Variants in ZNF578 observed in about 807,000 individuals in gnomAD.
ZNF578 encodes zinc finger protein 578.
A neutral mutation model predicts 8.3 loss-of-function variants in ZNF578; 8 were observed. That is an observed-to-expected ratio of 0.96 (90% CI 0.56 to 1.74). The LOEUF (loss-of-function observed/expected upper bound fraction) is 1.74. Ranked by LOEUF, ZNF578 falls within the 40% of genes most tolerant of loss-of-function variation. The probability of loss-of-function intolerance (pLI) is 0.00; values close to 1 mark genes in which losing one functional copy is unlikely to be tolerated. For missense variants in ZNF578, 726 were observed against 707.5 expected (o/e 1.03, Z -0.30); for synonymous variants, 206 against 232.2 (o/e 0.89, Z 1.03).
chr19:52,465,934 C>A (rs2059273747), intron 2 of ZNF578, among the ~76,000 whole-genome samples: 1 of 152,172 alleles, frequency 6.6e-6, no homozygotes, highest in South Asian at 2.1e-4. Context: ...CTGTTGGGGA[C>A]CAGCCTCAAC....
At chr19:52,501,113 G>A (rs1317433980) in intron 3 of ZNF578, among the ~76,000 whole-genome samples, 6 of 152,130 alleles carry the variant, frequency 3.9e-5, no homozygotes, top group Admixed American at 2.0e-4. Context: ...TCCTGACCCT[G>A]TGATCCAGCC....
At position 52,500,505 on chromosome 19, in the gene ZNF578, C is replaced by G. The variant is rs535689548; in HGVS notation, c.-19-1322C>G. On this transcript the variant is annotated intron_variant, in intron 3 of 5. Coordinates refer to ENST00000421239, the MANE Select transcript of ZNF578 (RefSeq NM_001099694.2). ...CACTGCAACCTCTCCCTCCTGGGTT[C>G]AAGTGATTCTCCTCCCTCAGCTTCC... is the stretch of plus-strand genomic sequence containing the variant. Among the ~76,000 whole-genome samples the G allele has an allele frequency of 5.3e-5, 8 of 150,520 alleles. No homozygotes were observed. In the East Asian group the frequency reaches 1.4e-3, roughly 26 times the overall value.
chr19:52,497,520 CT>C (rs2122916184), intron 3 of ZNF578, among the ~76,000 whole-genome samples: 1 of 152,280 alleles, frequency 6.6e-6, no homozygotes, highest in African/African-American at 2.4e-5. Flanking sequence ...CATGCCCGGC[CT>C]TATTGTTTTC....
intron 3 of ZNF578, among the ~76,000 whole-genome samples, chr19:52,498,133 A>G (rs1178563395): frequency 1.3e-5 from 2 of 152,144 alleles, no homozygotes; most frequent in African/African-American, 2.4e-5. Flanking sequence ...TTGCTCAGGT[A>G]TATAAGATGG....
intron 2 of ZNF578, among the ~76,000 whole-genome samples, chr19:52,488,660 T>G (rs1032066082): frequency 1.3e-5 from 2 of 151,826 alleles, no homozygotes; most frequent in African/African-American, 4.8e-5. Flanking sequence ...GGCAGACTCC[T>G]GTAATCCCAG....
At chr19:52,458,468 T>TATATATATATATATATATATATATA (rs139009068) in intron 2 of ZNF578, 1 of 121,752 alleles carries the variant, frequency 8.2e-6, no homozygotes. Flanking sequence ...GCTACTATGT[T>TATATATATATATATATATATATATA]TATATATATA....
At chr19:52,457,139 T>A (rs2059242172) in intron 2 of ZNF578, 181 bp downstream of exon 2, 2 of 152,664 alleles carry the variant, frequency 1.3e-5, no homozygotes, top group Non-Finnish European at 2.9e-5. Context: ...CCTCTGACCT[T>A]CTTTTGCCTT....
chr19:52,482,234 T>C (rs967410687), intron 2 of ZNF578, among the ~76,000 whole-genome samples: 2 of 152,168 alleles, frequency 1.3e-5, no homozygotes, highest in African/African-American at 4.8e-5. Flanking sequence ...GGTTTCTTCA[T>C]GTTGGTCTAG....
chr19:52,493,896 T>C (rs1459591118), intron 3 of ZNF578, among the ~76,000 whole-genome samples: 2 of 151,482 alleles, frequency 1.3e-5, no homozygotes, highest in Non-Finnish European at 1.5e-5. Context: ...AGGCTGAAGC[T>C]GGAGAATCGC....
intron 2 of ZNF578, among the ~76,000 whole-genome samples, chr19:52,468,528 C>A (rs1418964360): frequency 6.6e-6 from 1 of 152,170 alleles, no homozygotes; most frequent in Non-Finnish European, 1.5e-5. Flanking sequence ...AAGAGTTAGA[C>A]TTCATTTTGT....
chr19:52,476,047 G>C (rs561534528), intron 2 of ZNF578, among the ~76,000 whole-genome samples: 1 of 151,978 alleles, frequency 6.6e-6, no homozygotes, highest in East Asian at 1.9e-4. Flanking sequence ...GGTTCTCTTT[G>C]ATTAATAGAA....
chr19:52,487,633 A>C (rs1298311334), intron 2 of ZNF578, among the ~76,000 whole-genome samples: 1 of 152,064 alleles, frequency 6.6e-6, no homozygotes, highest in East Asian at 1.9e-4. Flanking sequence ...TAATACTTTT[A>C]ATTAAATAAT....
chr19:52,501,460 T>G (rs1208909360), intron 3 of ZNF578, among the ~76,000 whole-genome samples: 11 of 152,224 alleles, frequency 7.2e-5, no homozygotes. Context: ...ATGGAAGCTC[T>G]GAGTCCTGCA....
At chr19:52,493,977 C>T (rs1367774609) in intron 3 of ZNF578, among the ~76,000 whole-genome samples, 12 of 134,232 alleles carry the variant, frequency 8.9e-5, no homozygotes, top group Admixed American at 7.3e-4. Flanking sequence ...GCAACAAGAG[C>T]AAAACTCCGT....
At chr19:52,473,640 C>A in intron 2 of ZNF578, 1 of 201,798 alleles carries the variant, frequency 5.0e-6, no homozygotes, top group Non-Finnish European at 9.9e-6. Context: ...CTGCCACATT[C>A]GTTACATTTA....
intron 3 of ZNF578, among the ~76,000 whole-genome samples, chr19:52,498,632 T>G (rs1458445245): frequency 1.3e-5 from 2 of 150,056 alleles, no homozygotes; most frequent in Non-Finnish European, 3.0e-5. Context: ...ATTTGCCCAC[T>G]TTGGCCTGCC....
At position 52,494,930 on chromosome 19, in the gene ZNF578, C is replaced by T. The variant is rs2059380431; in HGVS notation, c.-20+3505C>T. Among the ~76,000 whole-genome samples the T allele has an allele frequency of 2.0e-5, 3 of 152,102 alleles. No individual in the cohort carries two copies. The South Asian group carries it at 6.2e-4, about 32-fold the overall frequency. Reference sequence around the variant, plus strand: ...AACTGAAGCCTCGACCTCCTAGGCTCAAGCAATCCTCCTCCCTCAGTCTCC... The same window carrying T: ...AACTGAAGCCTCGACCTCCTAGGCTTAAGCAATCCTCCTCCCTCAGTCTCC... On this transcript the variant is annotated intron_variant, in intron 3 of 5. Transcript: ENST00000421239.
At position 52,498,684 on chromosome 19, in the gene ZNF578, C is replaced by CTTTTTTTTTTTTTTT. The variant is rs72019256; in HGVS notation, c.-19-3140_-19-3126dup. Among the ~76,000 whole-genome samples the CTTTTTTTTTTTTTTT allele has an allele frequency of 2.4e-3, 261 of 106,802 alleles. 25 individuals carry two copies. The highest frequency in any genetic ancestry group is 7.4e-3 in the African/African-American group (181 of 24,590). The allele number at this position is 106,802 out of a possible 152,430, so 70.1% of individuals were successfully genotyped here. A position where few individuals can be genotyped will look rare whatever the true frequency, so the allele number is the denominator to read the frequency against. ...AGGAATGAGCCACCTCGCCTGGCCG[C>CTTTTTTTTTTTTTTT]TTTTTTTTTTTTTTTTTGTAAGACA... is the stretch of plus-strand genomic sequence containing the variant. On this transcript the variant is annotated intron_variant, in intron 3 of 5. Transcript: ENST00000421239.
intron 2 of ZNF578, among the ~76,000 whole-genome samples, chr19:52,469,157 G>GTTTTT (rs1325423361): frequency 6.1e-5 from 2 of 32,938 alleles, no homozygotes; most frequent in Non-Finnish European, 1.2e-4. Flanking sequence ...ACCTGGAGTG[G>GTTTTT]TTTTTTTTTG....
Sources: gnomAD v4.1 joint callset for allele counts (sites outside exome capture counted in the v4.1 genomes callset) on GRCh38, gnomAD v4.1.1 for gene constraint, MANE v1.5 for transcripts, NCBI Gene and HGNC (gene_info 2026-07-23, HGNC 2026-07-21) for gene names.